Variants in PSMA1 observed in about 807,000 individuals in gnomAD.
PSMA1 encodes the protein proteasome subunit alpha type-1.
PSMA1 carries 3 observed loss-of-function variants against 38.4 expected under a neutral mutation model. The observed-to-expected ratio is 0.08, with a 90% CI of 0.04 to 0.20. The LOEUF is 0.20. Ranked by LOEUF, PSMA1 falls within the 10% of genes least tolerant of loss-of-function variation. PSMA1 has a pLI of 1.00. For synonymous variants in PSMA1, 101 were observed against 107.1 expected, an observed-to-expected ratio of 0.94 and a Z score of 0.35; for missense variants, 227 against 325.3, an observed-to-expected ratio of 0.70 and a Z score of 2.32.
chr11:14,639,935 G>A (rs887941137), intron 1 of PSMA1, among the ~76,000 whole-genome samples: 1 of 152,142 alleles, frequency 6.6e-6, no homozygotes, highest in Admixed American at 6.5e-5. Context: ...TATTACCTCT[G>A]TATCACAGCT....
intron 1 of PSMA1, among the ~76,000 whole-genome samples, chr11:14,615,399 A>G (rs1852760026): frequency 1.3e-5 from 2 of 152,236 alleles, no homozygotes; most frequent in South Asian, 4.1e-4. Flanking sequence ...GTAGATTTGA[A>G]CAGTGGGACA....
chr11:14,606,666 T>TA (rs1222581063), intron 2 of PSMA1, among the ~76,000 whole-genome samples: 8 of 152,182 alleles, frequency 5.3e-5, no homozygotes, highest in Non-Finnish European at 1.2e-4. Context: ...ATGGCAACAT[T>TA]AAAAAGCAGA....
intron 1 of PSMA1, among the ~76,000 whole-genome samples, chr11:14,626,072 G>T (rs1852907524): frequency 6.6e-6 from 1 of 150,836 alleles, no homozygotes; most frequent in Non-Finnish European, 1.5e-5. Flanking sequence ...ACTTAAAGAG[G>T]AAGTGCTGGA....
intron 2 of PSMA1, among the ~76,000 whole-genome samples, chr11:14,607,970 A>C (rs1340104674): frequency 1.3e-5 from 2 of 152,196 alleles, no homozygotes; most frequent in Non-Finnish European, 2.9e-5. Flanking sequence ...AAGTGTGAGC[A>C]GTGGATTTTC....
chr11:14,534,319 G>A lies in PSMA1; in HGVS notation c.22-15278C>T, dbSNP rs1405689309. Among the ~76,000 whole-genome samples, 5 of 151,978 alleles carry A rather than the reference G, an allele frequency of 3.3e-5. No individual in the cohort carries two copies. The highest frequency in any genetic ancestry group is 3.9e-4 in the East Asian group (2 of 5,178). On this transcript the variant is annotated intron_variant, in intron 2 of 10. Transcript: ENST00000418988. This position sits in a 1 kb window ranked among gnomAD's most constrained non-coding sequence, Gnocchi z 4.5. ...CTTTTCTATGTAAACATTAAACCAC[G>A]AACATTTCTTCATGTCACATGCTTT...
intron 2 of PSMA1, among the ~76,000 whole-genome samples, chr11:14,562,960 GAATT>G (rs1167511211): frequency 2.6e-5 from 4 of 152,062 alleles, no homozygotes; most frequent in African/African-American, 7.2e-5. Flanking sequence ...TTAAATCTAT[GAATT>G]AATATGGAAA....
intron 1 of PSMA1, among the ~76,000 whole-genome samples, chr11:14,617,947 C>G (rs1419077766): frequency 6.6e-6 from 1 of 152,152 alleles, no homozygotes; most frequent in Non-Finnish European, 1.5e-5. Flanking sequence ...TTGCAACTTA[C>G]TAGCTGATGA....
At chr11:14,517,821 T>A (rs1851457695) in intron 3 of PSMA1, 59 bp downstream of exon 3, 2 of 1,530,916 alleles carry the variant, frequency 1.3e-6, no homozygotes, top group Non-Finnish European at 1.8e-6. Flanking sequence ...AACCTTATTT[T>A]CTATGGTGAA....
intron 2 of PSMA1, among the ~76,000 whole-genome samples, chr11:14,578,753 A>G (rs559861584): frequency 6.6e-6 from 1 of 152,322 alleles, no homozygotes; most frequent in Admixed American, 6.5e-5. Flanking sequence ...AAGAGCTGAT[A>G]CCAGATGGGT....
At chr11:14,602,931 G>C (rs1473848467) in intron 2 of PSMA1, among the ~76,000 whole-genome samples, 1 of 152,164 alleles carries the variant, frequency 6.6e-6, no homozygotes, top group Non-Finnish European at 1.5e-5. Context: ...TGGCTGTGCG[G>C]GGAGACATAA....
intron 2 of PSMA1, among the ~76,000 whole-genome samples, chr11:14,553,627 T>C (rs191394483): frequency 6.6e-6 from 1 of 152,242 alleles, no homozygotes; most frequent in East Asian, 1.9e-4. Context: ...TTGAGACTCA[T>C]ACAAATTGTT....
intron 4 of PSMA1, among the ~76,000 whole-genome samples, chr11:14,515,644 C>T (rs1851413523): frequency 6.6e-6 from 1 of 151,604 alleles, no homozygotes; most frequent in Non-Finnish European, 1.5e-5. Flanking sequence ...ACCTCTGCCT[C>T]CTGGGTTCAA....
chr11:14,575,588 C>T (rs1852203120), intron 2 of PSMA1, among the ~76,000 whole-genome samples: 2 of 152,186 alleles, frequency 1.3e-5, no homozygotes, highest in Admixed American at 6.5e-5. Flanking sequence ...AGGACATGAA[C>T]TCATCCTTTT....
intron 5 of PSMA1, 113 bp downstream of exon 5, chr11:14,514,290 T>C (rs1457357342): frequency 1.4e-6 from 2 of 1,397,260 alleles, no homozygotes; most frequent in East Asian, 2.8e-5. Context: ...TTTGTTGTTT[T>C]AAAGTTTTCA....
chr11:14,628,090 C>G (rs1002551965), intron 1 of PSMA1, among the ~76,000 whole-genome samples: 5 of 152,172 alleles, frequency 3.3e-5, no homozygotes, highest in Admixed American at 6.5e-5. Flanking sequence ...AACATGAATC[C>G]TTTTGTGAAC....
chr11:14,536,794 T>G (rs1453606469), intron 2 of PSMA1, among the ~76,000 whole-genome samples: 1 of 151,826 alleles, frequency 6.6e-6, no homozygotes, highest in African/African-American at 2.4e-5. Context: ...TTTTTCTATT[T>G]TTAGTAGAGA....
At chr11:14,619,031 T>C (rs1000715780) in intron 1 of PSMA1, among the ~76,000 whole-genome samples, 1 of 152,220 alleles carries the variant, frequency 6.6e-6, no homozygotes, top group African/African-American at 2.4e-5. Context: ...CTAGCATGTA[T>C]TGAATCTCCC....
intron 8 of PSMA1, among the ~76,000 whole-genome samples, chr11:14,508,553 C>T (rs1336894718): frequency 1.5e-3 from 1 of 652 alleles, no homozygotes; most frequent in Non-Finnish European, 3.2e-3. Context: ...CCAGTCACCA[C>T]TCCATCTCAA....
At chr11:14,631,237 A>G (rs1774848975) in intron 1 of PSMA1, among the ~76,000 whole-genome samples, 2 of 151,932 alleles carry the variant, frequency 1.3e-5, no homozygotes, top group South Asian at 4.1e-4. Context: ...TTGCTTTTCT[A>G]GTTCTTTTAA....
Sources: allele counts gnomAD v4.1 joint callset (sites outside exome capture counted in the v4.1 genomes callset), GRCh38; gene constraint gnomAD v4.1.1; non-coding constraint Gnocchi (gnomAD v3.1); transcripts MANE v1.5; gene names NCBI Gene and HGNC (gene_info 2026-07-23, HGNC 2026-07-21).